Variants in INSIG2 observed in about 807,000 individuals in gnomAD.
The protein encoded by INSIG2 is insulin induced gene 2, also known as insulin-induced gene 2 protein.
In INSIG2, 10 loss-of-function variants were observed where a neutral mutation model predicts 27.2. The observed-to-expected ratio is 0.37, with a 90% CI of 0.23 to 0.62. The LOEUF is 0.62. Among genes scored for constraint, INSIG2 ranks in the 20% least tolerant of loss-of-function variants. The pLI, the probability that INSIG2 is intolerant of heterozygous loss-of-function variation, is 0.65. For synonymous variants in INSIG2, 97 were observed against 95.8 expected (o/e 1.01, Z -0.07); for missense variants, 178 against 270.2 (o/e 0.66, Z 2.39).
chr2:118,103,309 T>A lies in INSIG2; in HGVS notation c.357T>A (p.Asn119Lys). 6.2e-7 allele frequency: 1 copy of A among 1,613,102 alleles called. No homozygotes were observed. The highest frequency in any genetic ancestry group is 8.5e-7 in the Non-Finnish European group (1 of 1,179,380). The change falls in exon 3 of 6, where the codon AAT becomes AAA. Residue 119 changes from asparagine to lysine, a missense_variant. Coordinates refer to ENST00000245787, the MANE Select transcript of INSIG2 (RefSeq NM_016133.4). Reference protein sequence around the residue: ...MRCVAVFVGINHASAKVDFDN... With the variant: ...MRCVAVFVGIKHASAKVDFDN... ...GTGTAGCAGTCTTTGTTGGTATAAA[T>A]CATGCCAGTGCTGTATCCTTTACTC...
chr2:118,107,204 A>G lies in INSIG2; in HGVS notation c.636+15A>G, dbSNP rs777493066. ...AACTGGCAATGGTAAGCTGATGCTCACTTTTCTGAATAAGATGTGGAACAA... is the reference window on the plus strand; with the variant it reads ...AACTGGCAATGGTAAGCTGATGCTCGCTTTTCTGAATAAGATGTGGAACAA... On this transcript the variant is annotated intron_variant, in intron 5 of 5. Coordinates refer to ENST00000245787, the MANE Select transcript of INSIG2 (RefSeq NM_016133.4). 6.5e-7 allele frequency: 1 copy of G among 1,543,414 alleles called. No individual in the cohort carries two copies. The highest frequency in any genetic ancestry group is 9.0e-7 in the Non-Finnish European group (1 of 1,116,864).
chr2:118,102,931 T>C (rs1377370310), intron 2 of INSIG2, among the ~76,000 whole-genome samples: 1 of 152,240 alleles, frequency 6.6e-6, no homozygotes, highest in Non-Finnish European at 1.5e-5. Flanking sequence ...TTGTGAATCA[T>C]ACATTTGAAG....
intron 1 of INSIG2, among the ~76,000 whole-genome samples, chr2:118,094,497 AGATGTTTCAGGGCATTT>A (rs1678362621): frequency 6.6e-6 from 1 of 152,142 alleles, no homozygotes; most frequent in Non-Finnish European, 1.5e-5. Context: ...GGTCAGGAGG[AGATGTTTCAGGGCATTT>A]TCAGTTGGTA....
chr2:118,102,597 G>A (rs1678573519), intron 2 of INSIG2: 1 of 152,540 alleles, frequency 6.6e-6, no homozygotes, highest in East Asian at 1.9e-4. Context: ...TCATTAAAGG[G>A]CTAGAGTGGA....
intron 2 of INSIG2, among the ~76,000 whole-genome samples, chr2:118,098,204 A>G (rs951951813): frequency 6.6e-6 from 1 of 152,134 alleles, no homozygotes; most frequent in Non-Finnish European, 1.5e-5. Flanking sequence ...CTTTTCTTCT[A>G]TAGTATAGTC....
At chr2:118,099,176 T>C (rs1055261212) in intron 2 of INSIG2, among the ~76,000 whole-genome samples, 1 of 152,230 alleles carries the variant, frequency 6.6e-6, no homozygotes, top group Admixed American at 6.5e-5. Flanking sequence ...TATGTTTTTG[T>C]GTATATGTGT....
At chr2:118,103,995 A>T (rs1046431518) in intron 3 of INSIG2, among the ~76,000 whole-genome samples, 1 of 152,156 alleles carries the variant, frequency 6.6e-6, no homozygotes, top group African/African-American at 2.4e-5. Flanking sequence ...GTTTGCCCTC[A>T]TAAGGTTTTC....
chr2:118,103,598 A>G lies in INSIG2; in HGVS notation c.369+277A>G, dbSNP rs543578419. On this transcript the variant is annotated intron_variant, in intron 3 of 5. Coordinates refer to ENST00000245787, the MANE Select transcript of INSIG2 (RefSeq NM_016133.4). ...TTTTCTTAAATTTGGTTACTTAATT[A>G]CTTTTGTGTAGTTAATCCAAAAATG... 2.1e-4 allele frequency among the ~76,000 whole-genome samples: 32 copies of G among 152,304 alleles called. No individual in the cohort carries two copies. In the South Asian group the frequency reaches 6.4e-3, roughly 31 times the overall value.
intron 5 of INSIG2, 136 bp downstream of exon 5, chr2:118,107,325 T>C: frequency 3.1e-6 from 2 of 637,112 alleles, no homozygotes; most frequent in South Asian, 2.0e-5. Context: ...TTGAAATAAA[T>C]CATTTGGAAG....
chr2:118,100,284 C>T (rs993530019), intron 2 of INSIG2, among the ~76,000 whole-genome samples: 3 of 152,022 alleles, frequency 2.0e-5, no homozygotes, highest in African/African-American at 4.8e-5. Flanking sequence ...CCTGGGACCC[C>T]TCTGTCCTGT....
rs540403613 is a variant in INSIG2 at position 118,110,416 on chromosome 2, T to C, written c.*2094T>C. ...ATCCTAAAAGTCTTCACTCATGCTA[T>C]CTTCATGCTGAGTAGTAGGCTGAGG... On this transcript the variant is annotated 3_prime_UTR_variant, in exon 6 of 6. Transcript: ENST00000245787. 1 of 144,776 alleles carries C rather than the reference T, an allele frequency of 6.9e-6. No individual in the cohort carries two copies. Among genetic ancestry groups the C allele is most frequent in the East Asian group, 2.0e-4 (1 of 4,952 alleles). 9.0% of individuals were successfully genotyped at this position (144,776 alleles called of 1,614,324 possible).
chr2:118,090,595 T>C (rs1678202094), intron 1 of INSIG2, among the ~76,000 whole-genome samples: 1 of 152,248 alleles, frequency 6.6e-6, no homozygotes, highest in Non-Finnish European at 1.5e-5. Flanking sequence ...TTGTTTAGTA[T>C]TGTACTTTCC....
intron 4 of INSIG2, 81 bp downstream of exon 4, chr2:118,106,984 A>G: frequency 6.5e-7 from 1 of 1,544,632 alleles, no homozygotes; most frequent in East Asian, 2.3e-5. Flanking sequence ...AGATTATGAA[A>G]TGAGGTTAGC....
In INSIG2 at chr2:118,103,338, A is replaced by C; in HGVS notation, c.369+17A>C. 1 of 1,595,398 alleles carries C rather than the reference A, an allele frequency of 6.3e-7. No homozygotes were observed. The highest frequency in any genetic ancestry group is 8.6e-7 in the Non-Finnish European group (1 of 1,168,312). ...GCCAGTGCTGTATCCTTTACTCTGT[A>C]ATGAAATGCATAATAACAAAGTGGC... On this transcript the variant is annotated intron_variant, in intron 3 of 5. Coordinates refer to ENST00000245787, the MANE Select transcript of INSIG2 (RefSeq NM_016133.4).
intron 1 of INSIG2, among the ~76,000 whole-genome samples, chr2:118,089,084 G>A (rs750881497): frequency 2.0e-5 from 3 of 152,210 alleles, no homozygotes; most frequent in Non-Finnish European, 4.4e-5. Flanking sequence ...TTTCGGTAAA[G>A]CCAAATAATT....
In INSIG2 at chr2:118,103,800, G is replaced by A. The variant is rs564545114; in HGVS notation, c.369+479G>A. ...ATCAATACCGACAAACCACATAAAC[G>A]GCATAAGTAGAAATACCAACTTAGA... is the stretch of plus-strand genomic sequence containing the variant. On this transcript the variant is annotated intron_variant, in intron 3 of 5. Transcript: ENST00000245787. 2.7e-4 allele frequency among the ~76,000 whole-genome samples: 41 copies of A among 151,746 alleles called. No homozygotes were observed. The South Asian group carries it at 6.5e-3, about 24-fold the overall frequency.
At chr2:118,095,541 C>T (rs1425346661) in intron 1 of INSIG2, among the ~76,000 whole-genome samples, 2 of 152,192 alleles carry the variant, frequency 1.3e-5, no homozygotes, top group African/African-American at 4.8e-5. Flanking sequence ...TAAAACAGCA[C>T]ATAGAAAGCC....
At chr2:118,094,511 A>C (rs1017033788) in intron 1 of INSIG2, among the ~76,000 whole-genome samples, 2 of 152,148 alleles carry the variant, frequency 1.3e-5, no homozygotes, top group African/African-American at 4.8e-5. Flanking sequence ...GTTTCAGGGC[A>C]TTTTCAGTTG....
At chr2:118,106,465 G>A (rs754790815) in intron 3 of INSIG2, among the ~76,000 whole-genome samples, 2 of 152,154 alleles carry the variant, frequency 1.3e-5, no homozygotes, top group Non-Finnish European at 2.9e-5. Flanking sequence ...AATGTATGTA[G>A]ACTGTTCTTT....
Sources: gnomAD v4.1 joint callset for allele counts (sites outside exome capture counted in the v4.1 genomes callset) on GRCh38, gnomAD v4.1.1 for gene constraint, MANE v1.5 for transcripts, NCBI Gene and HGNC (gene_info 2026-07-23, HGNC 2026-07-21) for gene names.